Variants in ANKRD44 observed in about 807,000 individuals in gnomAD.
ANKRD44 encodes the protein serine/threonine-protein phosphatase 6 regulatory ankyrin repeat subunit B.
A neutral mutation model predicts 116.0 loss-of-function variants in ANKRD44; 35 were observed. The observed-to-expected ratio is 0.30, with a 90% CI of 0.23 to 0.40. ANKRD44 has a LOEUF of 0.40. Ranked by LOEUF, ANKRD44 falls within the 10% of genes least tolerant of loss-of-function variation. The pLI, the probability that ANKRD44 is intolerant of heterozygous loss-of-function variation, is 1.00. For synonymous variants in ANKRD44, 435 were observed against 461.8 expected (o/e 0.94, Z 0.74); for missense variants, 1,014 against 1,242.6 (o/e 0.82, Z 2.77).
At chr2:197,113,024 C>A (rs969041584) in intron 8 of ANKRD44, among the ~76,000 whole-genome samples, 8 of 151,752 alleles carry the variant, frequency 5.3e-5, no homozygotes, top group African/African-American at 1.9e-4. Context: ...TCAATATTCT[C>A]AGGTAGATGT....
At chr2:197,238,700 C>T (rs533322185) in intron 1 of ANKRD44, among the ~76,000 whole-genome samples, 4 of 147,458 alleles carry the variant, frequency 2.7e-5, no homozygotes, top group Non-Finnish European at 4.5e-5. Context: ...TTCCATCTAT[C>T]TTTTTTTTTT....
intron 16 of ANKRD44, among the ~76,000 whole-genome samples, chr2:197,026,599 G>C (rs1257207864): frequency 6.6e-6 from 1 of 152,238 alleles, no homozygotes; most frequent in African/African-American, 2.4e-5. Flanking sequence ...GATGGTGGCT[G>C]TGGGGGTGGG....
chr2:196,999,198 A>G, intron 23 of ANKRD44, 146 bp from the exon 24 acceptor site: 1 of 931,838 alleles, frequency 1.1e-6, no homozygotes, highest in Admixed American at 3.0e-5. Context: ...CTCCCTCTAA[A>G]GGTCATCCAG....
chr2:197,099,865 G>T lies in ANKRD44; in HGVS notation c.1051C>A (p.His351Asn). ...TPLHVAARYG[H>N]ELLINTLITS... is the part of the protein sequence containing the mutation. The stretch of plus-strand genomic sequence containing the variant: ...ATTAAGGTGTTAATCAAAAGCTCAT[G>T]ACCGTATCTTGCAGCCACATGGAGA... The change falls in exon 10 of 28, where the codon CAT becomes AAT. Residue 351 changes from histidine (H) to asparagine (N), a missense_variant. Physicochemically the swap from His to Asn is moderately conservative, Grantham distance 68. Transcript: ENST00000282272. 6.2e-7 allele frequency: 1 copy of T among 1,614,156 alleles called. No individual in the cohort carries two copies. Among genetic ancestry groups the T allele is most frequent in the South Asian group, 1.1e-5 (1 of 91,064 alleles).
At chr2:196,981,647 G>A (rs1234224344) in intron 21 of ANKRD44, among the ~76,000 whole-genome samples, 1 of 152,122 alleles carries the variant, frequency 6.6e-6, no homozygotes, top group Non-Finnish European at 1.5e-5. Flanking sequence ...AAGTGTGGTG[G>A]TGTGTGCCTG....
In ANKRD44 at chr2:197,015,436, A is replaced by G. The variant is rs952974461; in HGVS notation, c.1723-1724T>C. ...TCATGCTACAGTTGATAAAACTGTC[A>G]TTCAGAAACACCACAATATTAATAG... On this transcript the variant is annotated intron_variant, in intron 17 of 27. Transcript: ENST00000282272. 9.0e-5 allele frequency: 47 copies of G among 521,914 alleles called. No homozygotes were observed. In the South Asian group the frequency reaches 9.4e-4, roughly 10 times the overall value. 32.3% of individuals were successfully genotyped at this position (521,914 alleles called of 1,614,324 possible).
rs531808920 is a variant in ANKRD44, at chr2:197,203,870, A to G, written c.28-16764T>C. 4.6e-5 allele frequency among the ~76,000 whole-genome samples: 7 copies of G among 152,348 alleles called. No individual in the cohort carries two copies. In the East Asian group the frequency reaches 1.3e-3, roughly 29 times the overall value. ...CTAAGTGCAAGAAGCCAGACACAAA[A>G]GGCCACAGGCTGTATGATTCCATTT... On this transcript the variant is annotated intron_variant, in intron 1 of 27. Transcript: ENST00000282272. This position sits in a 1 kb window ranked among gnomAD's most constrained non-coding sequence, Gnocchi z 4.1.
At chr2:197,270,486 G>C (rs2082867325) in intron 1 of ANKRD44, among the ~76,000 whole-genome samples, 1 of 152,162 alleles carries the variant, frequency 6.6e-6, no homozygotes, top group Admixed American at 6.5e-5. Context: ...AGTAAGAGCA[G>C]CTTTGGACGG....
chr2:197,279,781 A>G (rs1038092792), intron 1 of ANKRD44, among the ~76,000 whole-genome samples: 12 of 152,150 alleles, frequency 7.9e-5, no homozygotes, highest in Admixed American at 6.5e-4. Context: ...CTGCACTCCA[A>G]TGAGAGCCAT....
chr2:197,022,461 A>G (rs1045689063), intron 17 of ANKRD44, among the ~76,000 whole-genome samples: 11 of 152,160 alleles, frequency 7.2e-5, no homozygotes, highest in Non-Finnish European at 1.5e-4. Context: ...GTTCAGAGTA[A>G]AAGTCCCCAT....
At chr2:197,129,439 G>C (rs929537940) in intron 4 of ANKRD44, among the ~76,000 whole-genome samples, 17 of 152,070 alleles carry the variant, frequency 1.1e-4, no homozygotes, top group South Asian at 4.1e-4. Flanking sequence ...CTGGACCTTT[G>C]TTTCTTTCTT....
At chr2:197,263,132 G>A (rs991069315) in intron 1 of ANKRD44, 62 of 478,604 alleles carry the variant, frequency 1.3e-4, no homozygotes, top group African/African-American at 1.0e-3. Flanking sequence ...CTCCAAGTTC[G>A]TCTCCACTCC....
intron 16 of ANKRD44, among the ~76,000 whole-genome samples, chr2:197,056,756 T>C (rs918719442): frequency 6.6e-6 from 1 of 152,240 alleles, no homozygotes; most frequent in African/African-American, 2.4e-5. Flanking sequence ...TATAGTTGCC[T>C]TTTGTATAAT....
intron 17 of ANKRD44, among the ~76,000 whole-genome samples, chr2:197,019,338 A>G (rs987335399): frequency 6.6e-6 from 1 of 152,220 alleles, no homozygotes; most frequent in Non-Finnish European, 1.5e-5. Flanking sequence ...TATGCAAACC[A>G]TAGCTGCACA....
chr2:197,010,635 C>T (rs2076283244), intron 18 of ANKRD44, among the ~76,000 whole-genome samples: 1 of 151,946 alleles, frequency 6.6e-6, no homozygotes, highest in Admixed American at 6.5e-5. Flanking sequence ...CTATTGAACG[C>T]AAACCAAAGC....
At chr2:197,210,516 G>A (rs185762031) in intron 1 of ANKRD44, among the ~76,000 whole-genome samples, 461 of 152,316 alleles carry the variant, frequency 3.0e-3, no homozygotes, top group Middle Eastern at 0.017. Flanking sequence ...GTTCCTCTGG[G>A]AAAGCATCAA....
chr2:197,047,412 A>C (rs1049861898), intron 16 of ANKRD44, among the ~76,000 whole-genome samples: 3 of 152,220 alleles, frequency 2.0e-5, no homozygotes, highest in African/African-American at 7.2e-5. Flanking sequence ...TTCTTGGAAA[A>C]TATACACATT....
chr2:197,075,397 C>A (rs1559042246), intron 16 of ANKRD44, among the ~76,000 whole-genome samples: 1 of 152,152 alleles, frequency 6.6e-6, no homozygotes, highest in Non-Finnish European at 1.5e-5. Context: ...ACCCTTCCTC[C>A]ACTCAAACAT....
chr2:197,049,466 T>A (rs2077064644), intron 16 of ANKRD44, among the ~76,000 whole-genome samples: 1 of 152,096 alleles, frequency 6.6e-6, no homozygotes, highest in South Asian at 2.1e-4. Flanking sequence ...TAGCAAGAAA[T>A]CCTTGTTTTA....
Sources: gnomAD v4.1 joint callset for allele counts (sites outside exome capture counted in the v4.1 genomes callset) on GRCh38, gnomAD v4.1.1 for gene constraint, Gnocchi (gnomAD v3.1) non-coding constraint, MANE v1.5 for transcripts, NCBI Gene and HGNC (gene_info 2026-07-23, HGNC 2026-07-21) for gene names.